Variants in NTM observed in about 807,000 individuals in gnomAD.
The protein encoded by NTM is IgLON family member 2.
In NTM, 13 loss-of-function variants were observed where a neutral mutation model predicts 42.1. That is an observed-to-expected ratio of 0.31 (90% CI 0.20 to 0.49). The LOEUF is 0.49. Ranked by LOEUF, NTM falls within the 20% of genes least tolerant of loss-of-function variation. The pLI, the probability that NTM is intolerant of heterozygous loss-of-function variation, is 0.99. For missense variants in NTM, 373 were observed against 452.8 expected, an observed-to-expected ratio of 0.82 and a Z score of 1.60; for synonymous variants, 187 against 179.2, an observed-to-expected ratio of 1.04 and a Z score of -0.35.
intron 2 of NTM, among the ~76,000 whole-genome samples, chr11:132,054,455 A>G (rs1328325601): frequency 6.6e-6 from 1 of 152,250 alleles, no homozygotes; most frequent in African/African-American, 2.4e-5. Context: ...TCGTAGTCCT[A>G]TTCAGTGAAA....
chr11:131,641,058 C>T (rs1419353167), intron 1 of NTM, among the ~76,000 whole-genome samples: 1 of 152,202 alleles, frequency 6.6e-6, no homozygotes, highest in Non-Finnish European at 1.5e-5. Context: ...TAGGAGCAGT[C>T]TCTCTGTGCT....
chr11:132,006,847 A>G (rs113359731), intron 2 of NTM, among the ~76,000 whole-genome samples: 3,769 of 152,338 alleles, frequency 0.025, 69 homozygotes, highest in South Asian at 0.054. Context: ...TATGGTGATC[A>G]TGGGTGCCAC....
At chr11:131,987,328 ATTAT>A (rs2066220106) in intron 2 of NTM, among the ~76,000 whole-genome samples, 1 of 152,184 alleles carries the variant, frequency 6.6e-6, no homozygotes, top group Admixed American at 6.5e-5. Context: ...ACAGACTGGA[ATTAT>A]TTAAGATTTA....
At chr11:132,126,274 GTTACTTC>G (rs372530370) in intron 2 of NTM, among the ~76,000 whole-genome samples, 62 of 152,304 alleles carry the variant, frequency 4.1e-4, no homozygotes, top group African/African-American at 1.4e-3. Context: ...GCTGTGGTGA[GTTACTTC>G]TTAATGGCAA....
At chr11:132,118,318 C>G (rs2064198414) in intron 2 of NTM, among the ~76,000 whole-genome samples, 1 of 152,050 alleles carries the variant, frequency 6.6e-6, no homozygotes, top group Non-Finnish European at 1.5e-5. Context: ...CTATTTCCTC[C>G]TTAGGTGAAT....
intron 1 of NTM, among the ~76,000 whole-genome samples, chr11:131,662,734 A>G (rs2068300190): frequency 6.6e-6 from 1 of 152,100 alleles, no homozygotes; most frequent in Admixed American, 6.5e-5. Context: ...CCTTTTCTGC[A>G]TAGTGTAGGC....
intron 1 of NTM, among the ~76,000 whole-genome samples, chr11:131,403,911 C>G (rs968934153): frequency 1.3e-5 from 2 of 152,122 alleles, no homozygotes; most frequent in Non-Finnish European, 2.9e-5. Flanking sequence ...TCAATTTATG[C>G]TCTGGGGCCT....
intron 1 of NTM, among the ~76,000 whole-genome samples, chr11:131,450,140 C>T (rs572148214): frequency 1.2e-4 from 18 of 152,300 alleles, no homozygotes; most frequent in Admixed American, 7.2e-4. Flanking sequence ...CTTACTTTGT[C>T]CTGCAAAATA....
At chr11:131,773,681 G>C (rs939290882) in intron 1 of NTM, among the ~76,000 whole-genome samples, 1 of 152,118 alleles carries the variant, frequency 6.6e-6, no homozygotes, top group African/African-American at 2.4e-5. Flanking sequence ...TTTTCTTCCT[G>C]ACTGCTTACA....
At chr11:131,485,027 G>T (rs557010053) in intron 1 of NTM, among the ~76,000 whole-genome samples, 26 of 152,160 alleles carry the variant, frequency 1.7e-4, no homozygotes, top group Non-Finnish European at 3.1e-4. Flanking sequence ...AGAGAGTTGT[G>T]GAAAGGATTA....
intron 2 of NTM, among the ~76,000 whole-genome samples, chr11:132,096,220 T>G (rs186328823): frequency 1.1e-3 from 162 of 152,330 alleles, no homozygotes; most frequent in African/African-American, 3.6e-3. Flanking sequence ...GACCTTTGAT[T>G]GCAAGGAGCA....
intron 1 of NTM, among the ~76,000 whole-genome samples, chr11:131,511,670 G>C (rs2048270108): frequency 6.6e-6 from 1 of 152,182 alleles, no homozygotes; most frequent in South Asian, 2.1e-4. Flanking sequence ...CAGGACACCA[G>C]AATGATGGGA....
intron 1 of NTM, among the ~76,000 whole-genome samples, chr11:131,904,089 A>G (rs1289425776): frequency 6.6e-6 from 1 of 152,202 alleles, no homozygotes; most frequent in Non-Finnish European, 1.5e-5. Context: ...CACCTCCAAT[A>G]CAAAGTACAG....
At chr11:132,280,907 C>T (rs2139834620) in intron 4 of NTM, among the ~76,000 whole-genome samples, 1 of 152,310 alleles carries the variant, frequency 6.6e-6, no homozygotes, top group East Asian at 1.9e-4. Context: ...ACAGTCATTG[C>T]CCACAGGGCA....
chr11:132,176,722 G>GTTTTTTT (rs148699196), intron 3 of NTM, among the ~76,000 whole-genome samples: 1,228 of 82,008 alleles, frequency 0.015, 181 homozygotes, highest in Admixed American at 0.025. Flanking sequence ...CATGCCTAAA[G>GTTTTTTT]TTTTTTTTTT....
At chr11:131,685,787 C>A (rs149930778) in intron 1 of NTM, among the ~76,000 whole-genome samples, 5 of 152,196 alleles carry the variant, frequency 3.3e-5, no homozygotes, top group African/African-American at 1.2e-4. Flanking sequence ...AAGTTCCACA[C>A]GAGCAGGGAC....
chr11:132,242,725 G>T (rs140042235), intron 4 of NTM, among the ~76,000 whole-genome samples: 327 of 152,304 alleles, frequency 2.1e-3, no homozygotes, highest in Non-Finnish European at 3.5e-3. Flanking sequence ...GCCTCTAAGA[G>T]CTGTGCAAAC....
chr11:131,828,886 A>T (rs1475052392), intron 1 of NTM, among the ~76,000 whole-genome samples: 2 of 152,150 alleles, frequency 1.3e-5, no homozygotes, highest in Non-Finnish European at 2.9e-5. Flanking sequence ...TAAAGCTAGT[A>T]AAAATGTTCC....
At chr11:131,815,373 G>A (rs559325271) in intron 1 of NTM, among the ~76,000 whole-genome samples, 2 of 152,018 alleles carry the variant, frequency 1.3e-5, no homozygotes, top group East Asian at 3.9e-4. Context: ...CCCAGCCCTC[G>A]CCCACCCTGT....
Sources: gnomAD v4.1 joint callset for allele counts (sites outside exome capture counted in the v4.1 genomes callset) on GRCh38, gnomAD v4.1.1 for gene constraint, MANE v1.5 for transcripts, NCBI Gene and HGNC (gene_info 2026-07-23, HGNC 2026-07-21) for gene names.